Variants in HTRA4 observed in about 807,000 individuals in gnomAD.
The protein encoded by HTRA4 is serine protease HTRA4.
In HTRA4, 46 loss-of-function variants were observed where a neutral mutation model predicts 49.1. The ratio of observed to expected loss-of-function variants is 0.94; its 90% CI spans 0.74 to 1.20. The LOEUF (loss-of-function observed/expected upper bound fraction) is 1.20, where lower values mean the gene tolerates loss of function less well. Ranked by LOEUF, HTRA4 falls within the 50% of genes most tolerant of loss-of-function variation. The probability of loss-of-function intolerance (pLI) is 0.00; values close to 1 mark genes in which losing one functional copy is unlikely to be tolerated. For missense variants in HTRA4, 602 were observed against 636.9 expected (o/e 0.95, Z 0.59); for synonymous variants, 261 against 264.0 (o/e 0.99, Z 0.11).
intron 6 of HTRA4, 72 bp downstream of exon 6, chr8:38,981,839 T>G: frequency 9.2e-7 from 1 of 1,091,010 alleles, no homozygotes; most frequent in Non-Finnish European, 1.4e-6. Context: ...TCTTTTGTGG[T>G]GACAGCAATT....
intron 5 of HTRA4, 141 bp from the exon 6 acceptor site, chr8:38,981,512 T>C (rs1564179503): frequency 1.6e-6 from 1 of 620,506 alleles, no homozygotes; most frequent in Non-Finnish European, 2.9e-6. Flanking sequence ...CATCCGTTGC[T>C]CTCTTTTGAA....
At chr8:38,974,891 AG>A in intron 1 of HTRA4, 139 bp from the exon 2 acceptor site, 1 of 1,208,250 alleles carries the variant, frequency 8.3e-7, no homozygotes, top group South Asian at 1.4e-5. Context: ...CCTCCTTAAC[AG>A]GGGCTCTTTA....
At chr8:38,980,897 T>C (rs1835410350) in intron 5 of HTRA4, among the ~76,000 whole-genome samples, 1 of 152,168 alleles carries the variant, frequency 6.6e-6, no homozygotes, top group South Asian at 2.1e-4. Context: ...TAATTCTCAG[T>C]GCAGTGTTAC....
Position 38,976,636 on chromosome 8 carries a change from A to G in HTRA4, c.668A>G (p.Gln223Arg), listed in dbSNP as rs140858687. The G allele has an allele frequency of 1.9e-6, 3 of 1,614,096 alleles. No homozygotes were observed. In the African/African-American group the frequency reaches 4.0e-5, roughly 22 times the overall value. Residue 223 changes from glutamine to arginine, a missense_variant, in exon 3 of 9, where the codon CAG becomes CGG. Physicochemically the swap from Gln to Arg is conservative, Grantham distance 43 (BLOSUM62 1). Transcript: ENST00000302495. ...ACCAATGCCCATGTTGTCAGGAACC[A>G]GCAGTGGATTGAGGTGGTGCTCCAG... ...IITNAHVVRNQQWIEVVLQNG... is the reference protein window; with the variant it reads ...IITNAHVVRNRQWIEVVLQNG...
chr8:38,984,687 T>A (rs1336713824), intron 8 of HTRA4, among the ~76,000 whole-genome samples: 1 of 152,012 alleles, frequency 6.6e-6, no homozygotes, highest in Non-Finnish European at 1.5e-5. Flanking sequence ...CAGCAGAGGT[T>A]GCAGTGAGCT....
chr8:38,976,421 G>A lies in HTRA4; in HGVS notation c.567-114G>A. On this transcript the variant is annotated intron_variant, in intron 2 of 8. Coordinates refer to ENST00000302495, the MANE Select transcript of HTRA4 (RefSeq NM_153692.4). ...TCAAAAAAGAAAAAAGAAAAGAAAAGAAAACTATGATGGAGGTATGTTTAA... is the reference window on the plus strand; with the variant it reads ...TCAAAAAAGAAAAAAGAAAAGAAAAAAAAACTATGATGGAGGTATGTTTAA... 4 of 993,272 alleles carry A rather than the reference G, an allele frequency of 4.0e-6. 1 individual carries two copies. Among genetic ancestry groups the A allele is most frequent in the Non-Finnish European group, 6.1e-6 (4 of 660,344 alleles). 61.5% of individuals were successfully genotyped at this position (993,272 alleles called of 1,614,324 possible). A position where few individuals can be genotyped will look rare whatever the true frequency, so the allele number is the denominator to read the frequency against.
intron 7 of HTRA4, 29 bp from the exon 8 acceptor site, chr8:38,982,924 T>C: frequency 6.7e-7 from 1 of 1,502,272 alleles, no homozygotes; most frequent in Non-Finnish European, 9.2e-7. Flanking sequence ...GACTAATTCA[T>C]TGTTTCCTAA....
chr8:38,977,895 G>C, intron 3 of HTRA4, 58 bp from the exon 4 acceptor site: 1 of 1,569,360 alleles, frequency 6.4e-7, no homozygotes, highest in Middle Eastern at 2.2e-4. Context: ...GGTCAATTCT[G>C]ATCGTGATTT....
intron 8 of HTRA4, among the ~76,000 whole-genome samples, chr8:38,983,502 G>T (rs1835447967): frequency 6.6e-6 from 1 of 151,998 alleles, no homozygotes. Context: ...CTCCAGTCTG[G>T]GCGACAGAGC....
At chr8:38,978,180 T>C in intron 4 of HTRA4, 33 bp downstream of exon 4, 1 of 1,578,858 alleles carries the variant, frequency 6.3e-7, no homozygotes, top group Non-Finnish European at 8.6e-7. Flanking sequence ...GCCCAACCCA[T>C]GGGCTGTGGA....
rs1450793819 is a variant in HTRA4, at chr8:38,976,601, G to T, written c.633G>T (p.Gly211=). The T allele has an allele frequency of 6.2e-7, 1 of 1,614,130 alleles. No homozygotes were observed. The highest frequency in any genetic ancestry group is 2.2e-5 in the East Asian group (1 of 44,888). The change falls in exon 3 of 9, where the codon GGG becomes GGT. Residue 211 remains glycine (G), a synonymous_variant. Transcript: ENST00000302495. ...CTGGGTTCATAGTGTCTGAGGACGG[G>T]CTCATTATTACCAATGCCCATGTTG... ...SGSGFIVSED[G]LIITNAHVVR...
chr8:38,975,050 G>A lies in HTRA4; in HGVS notation c.486G>A (p.Pro162=), dbSNP rs1474841941. 1.9e-6 allele frequency: 3 copies of A among 1,613,962 alleles called. No individual in the cohort carries two copies. Among genetic ancestry groups the A allele is most frequent in the African/African-American group, 2.7e-5 (2 of 74,912 alleles). ...CGDTGTRSAG[P]LRRNYNFIAA... is the part of the protein sequence containing the mutation. The stretch of plus-strand genomic sequence containing the variant: ...TCATAGGGACCAGAAGCGCAGGCCC[G>A]CTCAGGAGGAATTACAACTTCATCG... Residue 162 remains proline, a synonymous_variant, in exon 2 of 9, where the codon CCG becomes CCA. Coordinates refer to ENST00000302495, the MANE Select transcript of HTRA4 (RefSeq NM_153692.4).
At position 38,974,711 on chromosome 8, in the gene HTRA4, G is replaced by A. The variant is rs760110776; in HGVS notation, c.448G>A (p.Gly150Arg). 32 of 1,425,848 alleles carry A rather than the reference G, an allele frequency of 2.2e-5. No individual in the cohort carries two copies. The South Asian group carries it at 4.8e-4, about 21-fold the overall frequency. 88.3% of individuals were successfully genotyped at this position (1,425,848 alleles called of 1,614,324 possible). Residue 150 changes from glycine (G) to arginine (R), a missense_variant, in exon 1 of 9, where the codon GGG (glycine) becomes AGG (arginine). By Grantham distance (125) the Gly-to-Arg change is moderately radical. Transcript: ENST00000302495. ...GKVPAVPVQW[G>R]NCGDTGTRSA... ...GGTCCCGGCCGTGCCTGTGCAGTGG[G>A]GGAACTGCGGGGATACAGGTGAGCC...
intron 8 of HTRA4, among the ~76,000 whole-genome samples, chr8:38,985,555 T>A (rs1588295447): frequency 6.6e-6 from 1 of 152,220 alleles, no homozygotes; most frequent in African/African-American, 2.4e-5. Flanking sequence ...GCTTTCCCCC[T>A]AGTGAAATCA....
intron 7 of HTRA4, 83 bp from the exon 8 acceptor site, chr8:38,982,870 C>A: frequency 1.1e-6 from 1 of 887,694 alleles, no homozygotes; most frequent in East Asian, 2.5e-5. Flanking sequence ...TTGAGCAGAA[C>A]AGAGTACCTA....
Position 38,974,299 on chromosome 8 carries a change from A to G in HTRA4, c.36A>G (p.Gly12=). 5 of 1,612,624 alleles carry G rather than the reference A, an allele frequency of 3.1e-6. No homozygotes were observed. The highest frequency in any genetic ancestry group is 4.2e-6 in the Non-Finnish European group (5 of 1,179,570). ...IRPQLRTAGL[G]RCLLPGLLLL... ...CTCAGCTGCGGACCGCGGGGCTGGGACGATGCCTCCTGCCGGGGCTGCTGC... is the reference window on the plus strand; with the variant it reads ...CTCAGCTGCGGACCGCGGGGCTGGGGCGATGCCTCCTGCCGGGGCTGCTGC... The change falls in exon 1 of 9, where the codon GGA becomes GGG. Residue 12 remains glycine, a synonymous_variant. Transcript: ENST00000302495.
At chr8:38,984,928 A>G (rs952343084) in intron 8 of HTRA4, among the ~76,000 whole-genome samples, 3 of 152,024 alleles carry the variant, frequency 2.0e-5, no homozygotes, top group Non-Finnish European at 4.4e-5. Context: ...ACAAACAAAC[A>G]AGCAAAAAAA....
chr8:38,980,392 C>G (rs961364848), intron 5 of HTRA4, among the ~76,000 whole-genome samples: 20 of 151,932 alleles, frequency 1.3e-4, no homozygotes, highest in African/African-American at 4.6e-4. Flanking sequence ...AGGCCATACC[C>G]CCGACCTACT....
At position 38,988,210 on chromosome 8, in the gene HTRA4, A is replaced by G. The variant is rs970941978; in HGVS notation, c.*112A>G. The G allele has an allele frequency of 3.1e-6, 3 of 956,660 alleles. No homozygotes were observed. Among genetic ancestry groups the G allele is most frequent in the Admixed American group, 3.1e-5 (1 of 32,136 alleles). 59.3% of individuals were successfully genotyped at this position (956,660 alleles called of 1,614,324 possible). On this transcript the variant is annotated 3_prime_UTR_variant, in exon 9 of 9. Transcript: ENST00000302495. ...AGAAGTTTTTGGATCTTTTTCTTAC[A>G]AAGAAAAATGGATGGTTATCAACCC... is the stretch of plus-strand genomic sequence containing the variant.
Sources: allele counts gnomAD v4.1 joint callset (sites outside exome capture counted in the v4.1 genomes callset), GRCh38; gene constraint gnomAD v4.1.1; transcripts MANE v1.5; gene names NCBI Gene and HGNC (gene_info 2026-07-23, HGNC 2026-07-21).